Variants in NSD2 observed in about 807,000 individuals in gnomAD.
The protein encoded by NSD2 is histone-lysine N-methyltransferase NSD2.
A neutral mutation model predicts 139.0 loss-of-function variants in NSD2; 12 were observed. The observed-to-expected ratio is 0.09, with a 90% CI of 0.06 to 0.14. The LOEUF (loss-of-function observed/expected upper bound fraction) is 0.14. NSD2 is among the 10% of genes least tolerant of loss of function. The probability of loss-of-function intolerance (pLI) is 1.00; values close to 1 mark genes in which losing one functional copy is unlikely to be tolerated. For missense variants in NSD2, 1,155 were observed against 1,745.0 expected, an observed-to-expected ratio of 0.66 and a Z score of 6.02; for synonymous variants, 669 against 648.7, an observed-to-expected ratio of 1.03 and a Z score of -0.48.
At chr4:1,946,518 C>G in intron 9 of NSD2, 1 of 985,620 alleles carries the variant, frequency 1.0e-6, no homozygotes, top group Non-Finnish European at 1.2e-6. Context: ...ATCCACCCGC[C>G]TCACCCTCCC....
intron 1 of NSD2, among the ~76,000 whole-genome samples, chr4:1,877,990 C>G (rs1467608655): frequency 1.3e-5 from 2 of 151,968 alleles, no homozygotes; most frequent in African/African-American, 4.8e-5. Context: ...GATTATGCCA[C>G]TGCATTCCAG....
intron 9 of NSD2, chr4:1,940,184 ACT>A: frequency 2.8e-6 from 3 of 1,088,962 alleles, no homozygotes; most frequent in Non-Finnish European, 3.4e-6. Flanking sequence ...GTGGAAGGCG[ACT>A]CACACACCAC....
intron 9 of NSD2, chr4:1,941,192 G>A: frequency 1.9e-6 from 2 of 1,053,708 alleles, no homozygotes; most frequent in Non-Finnish European, 2.3e-6. Flanking sequence ...TTAAATGAAA[G>A]GTCATTTACA....
At chr4:1,897,616 C>T (rs563481941) in intron 1 of NSD2, among the ~76,000 whole-genome samples, 2 of 152,234 alleles carry the variant, frequency 1.3e-5, no homozygotes, top group East Asian at 3.9e-4. Flanking sequence ...CCCGTCTCTA[C>T]AAAAAATTTT....
At position 1,972,096 on chromosome 4, in the gene NSD2, G is replaced by A. The variant is rs1406536722; in HGVS notation, c.3373-2767G>A. 1.3e-5 allele frequency among the ~76,000 whole-genome samples: 2 copies of A among 152,330 alleles called. No individual in the cohort carries two copies. Among genetic ancestry groups the A allele is most frequent in the Non-Finnish European group, 1.5e-5 (1 of 68,026 alleles). On this transcript the variant is annotated intron_variant, in intron 18 of 21. Coordinates refer to ENST00000508803, the MANE Select transcript of NSD2 (RefSeq NM_001042424.3). The surrounding 1 kb of genome is among the most constrained non-coding windows in gnomAD (Gnocchi z 4.0). The stretch of plus-strand genomic sequence containing the variant: ...ACAGTGTCTCTCGGAGAATGTGACG[G>A]CTGTGTTTGGTGATGGCCTTATGTG...
intron 1 of NSD2, among the ~76,000 whole-genome samples, chr4:1,895,214 G>A (rs1418611006): frequency 6.6e-6 from 1 of 152,176 alleles, no homozygotes; most frequent in Non-Finnish European, 1.5e-5. Context: ...TTTGGCTACT[G>A]TAATAGTGCT....
At chr4:1,952,650 A>C in intron 11 of NSD2, 1 of 964,652 alleles carries the variant, frequency 1.0e-6, no homozygotes, top group Non-Finnish European at 1.3e-6. Flanking sequence ...TTCTTTATGA[A>C]GACACAGTGT....
intron 15 of NSD2, among the ~76,000 whole-genome samples, chr4:1,957,181 C>T (rs1463827822): frequency 1.3e-5 from 2 of 152,000 alleles, no homozygotes; most frequent in Admixed American, 6.6e-5. Flanking sequence ...CTTCTTGGGA[C>T]GGATTGTAGG....
At chr4:1,975,508 C>T (rs952575307) in intron 20 of NSD2, 108 bp downstream of exon 20, 43 of 1,014,346 alleles carry the variant, frequency 4.2e-5, no homozygotes, top group African/African-American at 6.4e-5. Context: ...GGCTTGTTGC[C>T]GGGACAGGTG....
Position 1,955,633 on chromosome 4 carries a change from G to A in NSD2, c.2519-60G>A. The A allele has an allele frequency of 6.5e-7, 1 of 1,537,348 alleles. No individual in the cohort carries two copies. The highest frequency in any genetic ancestry group is 8.8e-7 in the Non-Finnish European group (1 of 1,141,010). ...TAATAAGTGTAGACTGTGAAGCACTGAATCTGGGCTGAGCCATAGCAGACA... is the reference window on the plus strand; with the variant it reads ...TAATAAGTGTAGACTGTGAAGCACTAAATCTGGGCTGAGCCATAGCAGACA... On this transcript the variant is annotated intron_variant, in intron 13 of 21. Transcript: ENST00000508803. This position sits in a 1 kb window ranked among gnomAD's most constrained non-coding sequence, Gnocchi z 4.7.
chr4:1,891,739 T>C (rs142446400), intron 1 of NSD2, among the ~76,000 whole-genome samples: 4,810 of 150,952 alleles, frequency 0.032, 252 homozygotes, highest in African/African-American at 0.11. Context: ...CACCTGTAGT[T>C]CCAGCTACTC....
At chr4:1,946,467 C>G (rs958624299) in intron 9 of NSD2, 1 of 638,246 alleles carries the variant, frequency 1.6e-6, no homozygotes, top group Non-Finnish European at 2.0e-6. Flanking sequence ...GACAGGGTTT[C>G]GCCATATTGG....
intron 5 of NSD2, among the ~76,000 whole-genome samples, chr4:1,923,672 T>C (rs1245125125): frequency 6.6e-6 from 1 of 152,132 alleles, no homozygotes; most frequent in East Asian, 1.9e-4. Context: ...TCTAGTGAAA[T>C]TGAAGATGTG....
intron 18 of NSD2, among the ~76,000 whole-genome samples, chr4:1,967,969 G>A (rs947070707): frequency 2.6e-5 from 4 of 152,182 alleles, no homozygotes; most frequent in Non-Finnish European, 5.9e-5. Context: ...GGTTATCTGG[G>A]AAATTTCAGT....
In NSD2 at chr4:1,953,423, A is replaced by T. The variant is rs755618120; in HGVS notation, c.2237A>T (p.Lys746Ile). The change falls in exon 12 of 22, where the codon AAA becomes ATA. Residue 746 changes from lysine to isoleucine, a missense_variant. Physicochemically the swap from Lys to Ile is moderately radical, Grantham distance 102. Coordinates refer to ENST00000508803, the MANE Select transcript of NSD2 (RefSeq NM_001042424.3). The stretch of plus-strand genomic sequence containing the variant: ...TTTTACCATGAGGCTTGTGTGAAAA[A>T]ATACCCTCTGACTGTATTTGAGAGC... ...GKFYHEACVKKYPLTVFESRG... is the reference protein window; with the variant it reads ...GKFYHEACVKIYPLTVFESRG... The T allele has an allele frequency of 6.2e-7, 1 of 1,614,182 alleles. No individual in the cohort carries two copies. Among genetic ancestry groups the T allele is most frequent in the Non-Finnish European group, 8.5e-7 (1 of 1,180,032 alleles).
intron 21 of NSD2, 143 bp from the exon 22 acceptor site, chr4:1,978,495 G>C (rs977307858): frequency 1.6e-6 from 2 of 1,220,320 alleles, no homozygotes; most frequent in African/African-American, 3.1e-5. Flanking sequence ...GTGGTAGACA[G>C]TTTGTCTGCC....
At position 1,910,320 on chromosome 4, in the gene NSD2, G is replaced by C. The variant is rs186489219; in HGVS notation, c.760+5942G>C. On this transcript the variant is annotated intron_variant, in intron 3 of 21. Coordinates refer to ENST00000508803, the MANE Select transcript of NSD2 (RefSeq NM_001042424.3). ...GGCTCACTGCAACCTCTGTCTCCCAGGTTCAAGTGATTCTCCTGCCGCAGC... is the reference window on the plus strand; with the variant it reads ...GGCTCACTGCAACCTCTGTCTCCCACGTTCAAGTGATTCTCCTGCCGCAGC... 3.8e-3 allele frequency among the ~76,000 whole-genome samples: 578 copies of C among 152,072 alleles called. 4 individuals are homozygous for C. Among genetic ancestry groups the C allele is most frequent in the African/African-American group, 0.013 (547 of 41,484 alleles).
At chr4:1,963,328 T>C (rs767640915) in intron 18 of NSD2, among the ~76,000 whole-genome samples, 5 of 152,150 alleles carry the variant, frequency 3.3e-5, no homozygotes, top group Admixed American at 1.3e-4. Context: ...AAAGGCTTGG[T>C]GGCCAACTGG....
chr4:1,944,975 G>T, intron 9 of NSD2: 1 of 1,064,538 alleles, frequency 9.4e-7, no homozygotes, highest in Non-Finnish European at 1.1e-6. Flanking sequence ...CTTAAGCGAG[G>T]TTTCATGACA....
Sources: allele counts gnomAD v4.1 joint callset (sites outside exome capture counted in the v4.1 genomes callset), GRCh38; gene constraint gnomAD v4.1.1; non-coding constraint Gnocchi (gnomAD v3.1); transcripts MANE v1.5; gene names NCBI Gene and HGNC (gene_info 2026-07-23, HGNC 2026-07-21).